Variants in IGSF11 observed in about 807,000 individuals in gnomAD.
IGSF11 encodes immunoglobulin superfamily member 11, also known as CXADR like 1.
A neutral mutation model predicts 41.0 loss-of-function variants in IGSF11; 22 were observed. The observed-to-expected ratio is 0.54, with a 90% CI of 0.38 to 0.77. The LOEUF is 0.77. Ranked by LOEUF, IGSF11 falls within the 30% of genes least tolerant of loss-of-function variation. The probability of loss-of-function intolerance (pLI) is 0.00; values close to 1 mark genes in which losing one functional copy is unlikely to be tolerated. For synonymous variants in IGSF11, 219 were observed against 201.3 expected (o/e 1.09, Z -0.74); for missense variants, 444 against 530.8 (o/e 0.84, Z 1.61).
chr3:118,978,663 C>T (rs1934385127), intron 1 of IGSF11, among the ~76,000 whole-genome samples: 2 of 152,208 alleles, frequency 1.3e-5, no homozygotes, highest in South Asian at 2.1e-4. Flanking sequence ...GAAAATCAGA[C>T]ACCACTGATG....
At chr3:119,098,828 C>T (rs753455026) in intron 1 of IGSF11, among the ~76,000 whole-genome samples, 8 of 152,118 alleles carry the variant, frequency 5.3e-5, no homozygotes, top group Non-Finnish European at 8.8e-5. Context: ...TGGGAGAAAA[C>T]GTAAAGCACA....
chr3:119,046,469 A>G (rs1260710428), intron 1 of IGSF11, among the ~76,000 whole-genome samples: 1 of 152,116 alleles, frequency 6.6e-6, no homozygotes, highest in Non-Finnish European at 1.5e-5. Flanking sequence ...AAATGAGCAA[A>G]GCCTCCAAGA....
chr3:118,993,778 A>C (rs1936013539), intron 1 of IGSF11, among the ~76,000 whole-genome samples: 1 of 152,224 alleles, frequency 6.6e-6, no homozygotes, highest in Non-Finnish European at 1.5e-5. Context: ...TGGCATGACT[A>C]CATTGATAAG....
chr3:118,954,548 C>CA (rs1473007855), intron 1 of IGSF11, among the ~76,000 whole-genome samples: 1 of 152,046 alleles, frequency 6.6e-6, no homozygotes, highest in African/African-American at 2.4e-5. Context: ...CCTCCTATGA[C>CA]AAAAATGTTC....
At chr3:118,962,598 A>T (rs1945413040) in intron 1 of IGSF11, among the ~76,000 whole-genome samples, 1 of 152,138 alleles carries the variant, frequency 6.6e-6, no homozygotes, top group Admixed American at 6.5e-5. Context: ...GATGGTTCTG[A>T]GGGACAGACA....
At chr3:119,040,262 A>G (rs530781862) in intron 1 of IGSF11, among the ~76,000 whole-genome samples, 2 of 152,294 alleles carry the variant, frequency 1.3e-5, no homozygotes, top group East Asian at 3.9e-4. Context: ...ACTCAGTGCA[A>G]GAAGACAGCT....
chr3:118,988,398 G>A (rs1935460299), intron 1 of IGSF11, among the ~76,000 whole-genome samples: 2 of 152,164 alleles, frequency 1.3e-5, no homozygotes, highest in African/African-American at 4.8e-5. Flanking sequence ...AGTATGACCT[G>A]CCCAGAGTCA....
At chr3:119,092,620 G>A (rs532055894) in intron 1 of IGSF11, among the ~76,000 whole-genome samples, 112 of 152,262 alleles carry the variant, frequency 7.4e-4, no homozygotes, top group African/African-American at 2.3e-3. Flanking sequence ...ATGAGCTACT[G>A]TGCCCAGCCG....
chr3:119,025,045 T>A (rs1466846737), intron 1 of IGSF11, among the ~76,000 whole-genome samples: 1 of 152,192 alleles, frequency 6.6e-6, no homozygotes, highest in African/African-American at 2.4e-5. Flanking sequence ...TATATTCGAA[T>A]GACATTTTGT....
At chr3:119,029,574 A>G (rs1440782781) in intron 1 of IGSF11, among the ~76,000 whole-genome samples, 1 of 152,228 alleles carries the variant, frequency 6.6e-6, no homozygotes, top group African/African-American at 2.4e-5. Context: ...AGAGGAACGT[A>G]ACATCTTCCA....
intron 1 of IGSF11, among the ~76,000 whole-genome samples, chr3:119,144,989 C>T (rs1301544574): frequency 6.6e-6 from 1 of 152,198 alleles, no homozygotes; most frequent in Non-Finnish European, 1.5e-5. Context: ...TGGTGTCATG[C>T]ATTTTTAAAT....
intron 1 of IGSF11, among the ~76,000 whole-genome samples, chr3:119,054,756 A>G (rs901528683): frequency 5.9e-5 from 9 of 152,344 alleles, no homozygotes; most frequent in African/African-American, 2.2e-4. Context: ...CACAATTTGC[A>G]ATTACAAAAT....
At chr3:118,934,401 C>T (rs1257057500) in intron 1 of IGSF11, among the ~76,000 whole-genome samples, 1 of 152,140 alleles carries the variant, frequency 6.6e-6, no homozygotes, top group Non-Finnish European at 1.5e-5. Context: ...CTGGACACTT[C>T]TCACTTCCTC....
chr3:119,017,401 C>G (rs904840705), intron 1 of IGSF11, among the ~76,000 whole-genome samples: 1 of 152,158 alleles, frequency 6.6e-6, no homozygotes, highest in African/African-American at 2.4e-5. Flanking sequence ...TGTATCTAAA[C>G]ATATTTAACA....
chr3:119,088,327 T>C (rs1211866607), intron 1 of IGSF11, among the ~76,000 whole-genome samples: 1 of 152,076 alleles, frequency 6.6e-6, no homozygotes, highest in Non-Finnish European at 1.5e-5. Context: ...AAATAACTCC[T>C]GAGTGAACAT....
At chr3:118,999,741 T>C (rs1936624301) in intron 1 of IGSF11, among the ~76,000 whole-genome samples, 1 of 152,150 alleles carries the variant, frequency 6.6e-6, no homozygotes, top group Non-Finnish European at 1.5e-5. Context: ...TAATACAATA[T>C]CCATTTAAAA....
At chr3:119,083,855 CTTCT>C (rs1362136125) in intron 1 of IGSF11, among the ~76,000 whole-genome samples, 5 of 152,064 alleles carry the variant, frequency 3.3e-5, no homozygotes, top group Non-Finnish European at 5.9e-5. Flanking sequence ...GAGTATACTC[CTTCT>C]ATTTATTTTT....
intron 1 of IGSF11, among the ~76,000 whole-genome samples, chr3:119,063,031 A>G (rs1436371980): frequency 6.6e-6 from 1 of 152,190 alleles, no homozygotes; most frequent in African/African-American, 2.4e-5. Context: ...ACATTGTAAT[A>G]GGGTTTTACA....
intron 1 of IGSF11, among the ~76,000 whole-genome samples, chr3:119,090,296 A>G (rs1388541711): frequency 1.3e-5 from 2 of 152,226 alleles, no homozygotes; most frequent in South Asian, 2.1e-4. Context: ...CATTGTAAAC[A>G]TGGCCATATT....
Sources: allele counts gnomAD v4.1 joint callset (sites outside exome capture counted in the v4.1 genomes callset), GRCh38; gene constraint gnomAD v4.1.1; transcripts MANE v1.5; gene names NCBI Gene and HGNC (gene_info 2026-07-23, HGNC 2026-07-21).